The following MGA variants were observed in gnomAD, a reference collection of about 807,000 sequenced individuals.
MGA encodes the protein MAX gene-associated protein.
Under a neutral mutation model 261.1 loss-of-function variants are expected in MGA, and 40 were observed. That is an observed-to-expected ratio of 0.15 (90% CI 0.12 to 0.20). MGA has a LOEUF of 0.20. Among genes scored for constraint, MGA ranks in the 10% least tolerant of loss-of-function variants. MGA has a pLI of 1.00. For synonymous variants in MGA, 1,302 were observed against 1,290.6 expected, an observed-to-expected ratio of 1.01 and a Z score of -0.19; for missense variants, 3,397 against 3,630.5, an observed-to-expected ratio of 0.94 and a Z score of 1.65.
intron 22 of MGA, among the ~76,000 whole-genome samples, chr15:41,763,812 G>A (rs950780506): frequency 6.6e-6 from 1 of 152,042 alleles, no homozygotes; most frequent in Non-Finnish European, 1.5e-5. Flanking sequence ...TTACCATCTT[G>A]ATTTTGGAAG....
chr15:41,677,408 T>A lies in MGA; in HGVS notation c.1064+7450T>A, dbSNP rs532421572. On this transcript the variant is annotated intron_variant, in intron 2 of 23. Transcript: ENST00000219905. ...CCAGCCACCTCAGCCTCTCAAGTGC[T>A]GGATTACAGGAGTGAGCCACTGCAC... 4.5e-4 allele frequency among the ~76,000 whole-genome samples: 68 copies of A among 152,362 alleles called. No homozygotes were observed. The South Asian group carries it at 0.011, about 24-fold the overall frequency.
chr15:41,750,247 G>C lies in MGA; in HGVS notation c.6640G>C (p.Val2214Leu). 2 of 1,613,944 alleles carry C rather than the reference G, an allele frequency of 1.2e-6. No homozygotes were observed. The highest frequency in any genetic ancestry group is 1.7e-6 in the Non-Finnish European group (2 of 1,179,888). ...AAAGACATGTCAGGAAAATTCAGAT[G>C]TGTTTCAGCAAGAACAAGGCATCTC... The change falls in exon 17 of 24, where the codon GTG becomes CTG. Residue 2214 changes from valine (V) to leucine (L), a missense_variant. Val to Leu is a conservative substitution (Grantham distance 32). This residue lies in a region of MGA where 1,410 missense variants were observed against 1,386.4 expected (regional missense o/e 1.02). Coordinates refer to ENST00000219905, the MANE Select transcript of MGA (RefSeq NM_001164273.2).
Position 41,711,292 on chromosome 15 carries a change from G to C in MGA, c.3027G>C (p.Arg1009Ser), listed in dbSNP as rs370184396. 9.9e-6 allele frequency: 16 copies of C among 1,613,722 alleles called. No homozygotes were observed. The highest frequency in any genetic ancestry group is 1.4e-5 in the Non-Finnish European group (16 of 1,179,844). Reference sequence around the variant, plus strand: ...GTGCACTTTGGGAAGGAAAACCAAGGACATACATCACAGAAGAGCGAGCAG... The same window carrying C: ...GTGCACTTTGGGAAGGAAAACCAAGCACATACATCACAGAAGAGCGAGCAG... Residue 1009 changes from arginine to serine, a missense_variant, in exon 8 of 24, where the codon AGG becomes AGC. Physicochemically the swap from Arg to Ser is moderately radical, Grantham distance 110 (BLOSUM62 -1). Coordinates refer to ENST00000219905, the MANE Select transcript of MGA (RefSeq NM_001164273.2).
At chr15:41,689,575 C>CT (rs2059158230) in intron 2 of MGA, among the ~76,000 whole-genome samples, 5 of 107,976 alleles carry the variant, frequency 4.6e-5, no homozygotes, top group Non-Finnish European at 8.1e-5. Context: ...TTTTTTTTTT[C>CT]TTTTTTTTGA....
chr15:41,654,117 G>C (rs1483845017), intron 1 of MGA, among the ~76,000 whole-genome samples: 1 of 152,092 alleles, frequency 6.6e-6, no homozygotes, highest in Non-Finnish European at 1.5e-5. Flanking sequence ...GCTGACTCTT[G>C]ACTTCTTGGC....
intron 1 of MGA, among the ~76,000 whole-genome samples, chr15:41,631,254 T>C (rs943462995): frequency 1.1e-4 from 16 of 152,238 alleles, no homozygotes; most frequent in African/African-American, 3.6e-4. Flanking sequence ...CTGCATTTTC[T>C]CTTATCCTTT....
upstream of MGA, among the ~76,000 whole-genome samples, chr15:41,657,162 G>A (rs187597157): frequency 8.5e-5 from 13 of 152,098 alleles, no homozygotes; most frequent in Non-Finnish European, 1.2e-4. Flanking sequence ...TCCTTAAATC[G>A]TTAATTTTTA....
At chr15:41,709,533 C>T (rs1316185222) in intron 7 of MGA, among the ~76,000 whole-genome samples, 1 of 151,798 alleles carries the variant, frequency 6.6e-6, no homozygotes, top group Non-Finnish European at 1.5e-5. Context: ...CAGCCTTGAC[C>T]TCCTGGGCTC....
chr15:41,678,631 G>C (rs917541800), intron 2 of MGA, among the ~76,000 whole-genome samples: 2 of 151,614 alleles, frequency 1.3e-5, no homozygotes, highest in African/African-American at 4.8e-5. Context: ...TCCGGGCATG[G>C]TGGCGCACAC....
rs73408933 is a variant in MGA at position 41,764,901 on chromosome 15, T to G, written c.7760T>G (p.Leu2587Trp). The G allele has an allele frequency of 2.5e-6, 4 of 1,614,022 alleles. No homozygotes were observed. Among genetic ancestry groups the G allele is most frequent in the Non-Finnish European group, 3.4e-6 (4 of 1,179,880 alleles). Residue 2587 changes from leucine (L) to tryptophan (W), a missense_variant, in exon 23 of 24, where the codon TTG becomes TGG. Transcript: ENST00000219905. Reference sequence around the variant, plus strand: ...TTTCTTACAGAAAATACCTCACCCTTGAACACTCCACACACCTCTGCCAAC... The same window carrying G: ...TTTCTTACAGAAAATACCTCACCCTGGAACACTCCACACACCTCTGCCAAC...
chr15:41,754,302 C>T, intron 17 of MGA, 135 bp from the exon 18 acceptor site: 1 of 706,252 alleles, frequency 1.4e-6, no homozygotes, highest in Non-Finnish European at 2.2e-6. Flanking sequence ...GACTAACAAT[C>T]TTAGGATTAT....
In MGA at chr15:41,736,636, C is replaced by G. The variant is rs2061791517; in HGVS notation, c.4372C>G (p.Pro1458Ala). ...TCTGCCTTTTTATGCAGGGCTTTCT[C>G]CTGCAGGGAAGCTTGTGGCCTATAA... Residue 1458 changes from proline to alanine, a missense_variant, in exon 13 of 24, where the codon CCT (proline) becomes GCT (alanine). Pro to Ala is a conservative substitution (Grantham distance 27, BLOSUM62 -1). Transcript: ENST00000219905. 2 of 1,613,836 alleles carry G rather than the reference C, an allele frequency of 1.2e-6. No homozygotes were observed. The highest frequency in any genetic ancestry group is 1.7e-6 in the Non-Finnish European group (2 of 1,179,866).
chr15:41,654,227 A>G (rs796816620), intron 1 of MGA, among the ~76,000 whole-genome samples: 6 of 152,258 alleles, frequency 3.9e-5, no homozygotes, highest in African/African-American at 1.4e-4. Context: ...CTGATCAGTT[A>G]TTTCTAAATA....
In MGA at chr15:41,749,972, A is replaced by T. The variant is rs375709772; in HGVS notation, c.6365A>T (p.Asn2122Ile). The T allele has an allele frequency of 5.6e-6, 9 of 1,612,592 alleles. No homozygotes were observed. The highest frequency in any genetic ancestry group is 7.6e-6 in the Non-Finnish European group (9 of 1,179,532). Reference sequence around the variant, plus strand: ...GTGGAACAGCAGAAAGGATTTGACAATCCAGAAGAAAACTCAAGTGAATTT... The same window carrying T: ...GTGGAACAGCAGAAAGGATTTGACATTCCAGAAGAAAACTCAAGTGAATTT... The change falls in exon 17 of 24, where the codon AAT becomes ATT. Residue 2122 changes from asparagine to isoleucine, a missense_variant. This residue lies in a region of MGA where 1,410 missense variants were observed against 1,386.4 expected (regional missense o/e 1.02). Coordinates refer to ENST00000219905, the MANE Select transcript of MGA (RefSeq NM_001164273.2).
In MGA at chr15:41,743,127, A is replaced by G. The variant is rs2062212278; in HGVS notation, c.5167A>G (p.Ile1723Val). The G allele has an allele frequency of 5.0e-6, 8 of 1,613,058 alleles. No homozygotes were observed. The highest frequency in any genetic ancestry group is 1.1e-5 in the South Asian group (1 of 90,940). Reference sequence around the variant, plus strand: ...TTCATCTCTGGGCTCTGTTCCTATTATACTCTCAGGAATTAATGGGAGTCC... The same window carrying G: ...TTCATCTCTGGGCTCTGTTCCTATTGTACTCTCAGGAATTAATGGGAGTCC... The change falls in exon 15 of 24, where the codon ATA becomes GTA. Residue 1723 changes from isoleucine (I) to valine (V), a missense_variant. Ile to Val is a conservative substitution (Grantham distance 29). This residue lies in a region of MGA where 1,410 missense variants were observed against 1,386.4 expected (regional missense o/e 1.02). Coordinates refer to ENST00000219905, the MANE Select transcript of MGA (RefSeq NM_001164273.2).
chr15:41,655,450 G>A (rs1018804603), upstream of MGA, among the ~76,000 whole-genome samples: 8 of 152,248 alleles, frequency 5.3e-5, no homozygotes, highest in Admixed American at 2.0e-4. Flanking sequence ...TGAGATTACA[G>A]GCGTGAGCCA....
chr15:41,744,015 G>T (rs976321627), intron 15 of MGA, among the ~76,000 whole-genome samples: 1 of 152,006 alleles, frequency 6.6e-6, no homozygotes, highest in African/African-American at 2.4e-5. Flanking sequence ...AGGATTTGAG[G>T]GGAAATAATT....
chr15:41,684,647 A>C (rs1487721326), intron 2 of MGA: 2 of 200,150 alleles, frequency 1.0e-5, no homozygotes, highest in Non-Finnish European at 1.0e-5. Flanking sequence ...GAACAAATGC[A>C]TGTTGTGTGC....
At chr15:41,656,047 G>T (rs2057161049), upstream of MGA, among the ~76,000 whole-genome samples, 1 of 152,172 alleles carries the variant, frequency 6.6e-6, no homozygotes, top group Non-Finnish European at 1.5e-5. Context: ...ATGGTCTAAT[G>T]CGGAAGACAT....
Sources: allele counts gnomAD v4.1 joint callset (sites outside exome capture counted in the v4.1 genomes callset), GRCh38; gene constraint gnomAD v4.1.1; regional missense constraint gnomAD v4.1.1; transcripts MANE v1.5; gene names NCBI Gene and HGNC (gene_info 2026-07-23, HGNC 2026-07-21).